The following SEMA3D variants were observed in gnomAD, a reference collection of about 807,000 sequenced individuals.
The protein encoded by SEMA3D is semaphorin-3D.
In SEMA3D, 84 loss-of-function variants were observed where a neutral mutation model predicts 100.1. The observed-to-expected ratio is 0.84, with a 90% CI of 0.70 to 1.01. SEMA3D has a LOEUF of 1.01. Ranked by LOEUF, SEMA3D falls within the 50% of genes least tolerant of loss-of-function variation. The probability of loss-of-function intolerance (pLI) is 0.00; values close to 1 mark genes in which losing one functional copy is unlikely to be tolerated. For missense variants in SEMA3D, 875 were observed against 934.1 expected (o/e 0.94, Z 0.82); for synonymous variants, 312 against 320.7 (o/e 0.97, Z 0.29).
At chr7:85,113,474 TAAGA>T (rs1789151456) in intron 3 of SEMA3D, among the ~76,000 whole-genome samples, 1 of 151,768 alleles carries the variant, frequency 6.6e-6, no homozygotes, top group African/African-American at 2.4e-5. Flanking sequence ...AGAAATACTT[TAAGA>T]AATTCCTCAA....
intron 1 of SEMA3D, among the ~76,000 whole-genome samples, chr7:85,155,305 G>C (rs1400951966): frequency 6.6e-6 from 1 of 152,058 alleles, no homozygotes; most frequent in Admixed American, 6.6e-5. Context: ...TATATATATT[G>C]CTAAGAGATA....
chr7:85,167,411 A>C (rs570759157), intron 1 of SEMA3D: 2 of 982,414 alleles, frequency 2.0e-6, no homozygotes, highest in East Asian at 1.1e-4. Flanking sequence ...TTGTGTTATA[A>C]ATTTTCACCT....
chr7:85,043,591 C>T (rs1790921963), intron 9 of SEMA3D, among the ~76,000 whole-genome samples: 1 of 152,090 alleles, frequency 6.6e-6, no homozygotes, highest in Admixed American at 6.6e-5. Context: ...TGGTTTGGCT[C>T]TGTGTCCCGA....
chr7:85,163,449 A>T (rs1790802661), intron 1 of SEMA3D, among the ~76,000 whole-genome samples: 1 of 152,060 alleles, frequency 6.6e-6, no homozygotes, highest in Non-Finnish European at 1.5e-5. Flanking sequence ...AAAGATCAGA[A>T]ATGGAATCTG....
chr7:85,146,548 C>T (rs1790209810), intron 2 of SEMA3D, among the ~76,000 whole-genome samples: 1 of 137,106 alleles, frequency 7.3e-6, no homozygotes, highest in South Asian at 2.3e-4. Flanking sequence ...AGTGAGACTC[C>T]ATCTAAAAAA....
intron 1 of SEMA3D, among the ~76,000 whole-genome samples, chr7:85,162,079 G>A (rs73195903): frequency 4.6e-5 from 7 of 151,376 alleles, no homozygotes; most frequent in Admixed American, 1.3e-4. Context: ...TTTGTAAAAC[G>A]TGTTTTTTTT....
chr7:85,218,186 T>G, the SEMA3D span, among the ~76,000 whole-genome samples: 1 of 152,060 alleles, frequency 6.6e-6, no homozygotes, highest in Non-Finnish European at 1.5e-5. Flanking sequence ...AAAGATGTCC[T>G]TTAATTGGAT....
intron 1 of SEMA3D, chr7:85,159,796 G>C (rs1349992955): frequency 2.1e-6 from 2 of 974,274 alleles, no homozygotes; most frequent in South Asian, 9.5e-5. Context: ...TTGACAGCAG[G>C]CTATCTAATA....
In SEMA3D at chr7:85,062,439, A is replaced by G. The variant is rs181880835; in HGVS notation, c.718+2985T>C. The stretch of plus-strand genomic sequence containing the variant: ...CAAGGTCAACAGATATTTTCAAGGA[A>G]GTAAAAGCTCTTAGAAATAGATTAG... On this transcript the variant is annotated intron_variant, in intron 8 of 18. Transcript: ENST00000284136. Among the ~76,000 whole-genome samples the G allele has an allele frequency of 8.5e-5, 13 of 152,320 alleles. No homozygotes were observed. The East Asian group carries it at 2.5e-3, about 29-fold the overall frequency.
At chr7:85,239,695 G>A in the SEMA3D span, among the ~76,000 whole-genome samples, 12 of 152,092 alleles carry the variant, frequency 7.9e-5, no homozygotes, top group Non-Finnish European at 1.5e-4. Flanking sequence ...TTGGACTGAA[G>A]TTTTTTCACA....
chr7:85,066,807 T>C (rs569390140), intron 7 of SEMA3D, among the ~76,000 whole-genome samples: 16 of 152,094 alleles, frequency 1.1e-4, no homozygotes, highest in African/African-American at 3.9e-4. Flanking sequence ...CCTGTTTATA[T>C]CCATCTAAAT....
At chr7:85,057,504 A>T (rs950999941) in intron 8 of SEMA3D, among the ~76,000 whole-genome samples, 1 of 152,174 alleles carries the variant, frequency 6.6e-6, no homozygotes, top group Non-Finnish European at 1.5e-5. Context: ...AAAGATCAAT[A>T]TTGCCTTTTC....
At chr7:85,095,875 T>G (rs1361892353) in intron 4 of SEMA3D, among the ~76,000 whole-genome samples, 1 of 152,026 alleles carries the variant, frequency 6.6e-6, no homozygotes, top group Non-Finnish European at 1.5e-5. Context: ...TATTAGCACA[T>G]TTCATGCATG....
At chr7:85,249,588 T>A in the SEMA3D span, among the ~76,000 whole-genome samples, 1 of 152,196 alleles carries the variant, frequency 6.6e-6, no homozygotes, top group Non-Finnish European at 1.5e-5. Flanking sequence ...CACACTTTCT[T>A]TAACTGATGA....
the SEMA3D span, among the ~76,000 whole-genome samples, chr7:85,241,467 G>GTGTGTGTGTATATATATATATATATA: frequency 7.6e-5 from 7 of 91,978 alleles, no homozygotes; most frequent in African/African-American, 2.8e-4. Flanking sequence ...CTGTGTGTGT[G>GTGTGTGTGTATATATATATATATATA]TATATATATA....
chr7:85,215,451 T>C, the SEMA3D span, among the ~76,000 whole-genome samples: 1 of 152,128 alleles, frequency 6.6e-6, no homozygotes, highest in African/African-American at 2.4e-5. Flanking sequence ...TGATTTCAAG[T>C]CATTTGTATT....
intron 4 of SEMA3D, among the ~76,000 whole-genome samples, chr7:85,088,479 G>T (rs144406543): frequency 1.3e-5 from 2 of 152,128 alleles, no homozygotes; most frequent in Admixed American, 1.3e-4. Flanking sequence ...TTGAGATAGT[G>T]GCCATCTCTT....
chr7:85,145,346 T>TG (rs1249756359), intron 2 of SEMA3D, among the ~76,000 whole-genome samples: 1 of 151,940 alleles, frequency 6.6e-6, no homozygotes, highest in Admixed American at 6.6e-5. Context: ...TTTATTGGTT[T>TG]GGGGGGGATA....
intron 2 of SEMA3D, chr7:85,142,484 C>T: frequency 3.1e-6 from 3 of 982,172 alleles, no homozygotes; most frequent in Non-Finnish European, 3.6e-6. Context: ...AGGCATCTAG[C>T]TCACGGTTGT....
Sources: allele counts gnomAD v4.1 joint callset (sites outside exome capture counted in the v4.1 genomes callset), GRCh38; gene constraint gnomAD v4.1.1; transcripts MANE v1.5; gene names NCBI Gene and HGNC (gene_info 2026-07-23, HGNC 2026-07-21).